The following NRG1 variants were observed in gnomAD, a reference collection of about 807,000 sequenced individuals.
NRG1 encodes the protein pro-neuregulin-1, membrane-bound isoform.
Under a neutral mutation model 63.8 loss-of-function variants are expected in NRG1, and 18 were observed. The ratio of observed to expected loss-of-function variants is 0.28; its 90% CI spans 0.19 to 0.42. NRG1 has a LOEUF of 0.42. NRG1 is among the 10% of genes least tolerant of loss of function. NRG1 has a pLI of 1.00. For missense variants in NRG1, 762 were observed against 814.7 expected (o/e 0.94, Z 0.79); for synonymous variants, 302 against 301.3 (o/e 1.00, Z -0.02).
intron 1 of NRG1, among the ~76,000 whole-genome samples, chr8:32,511,371 A>G (rs34282322): frequency 0.011 from 904 of 85,844 alleles, 15 homozygotes; most frequent in East Asian, 0.084. Context: ...ATATGTGTAT[A>G]TATATATATA....
At chr8:31,861,235 C>T (rs1314089757) in intron 1 of NRG1, among the ~76,000 whole-genome samples, 2 of 152,072 alleles carry the variant, frequency 1.3e-5, no homozygotes, top group Admixed American at 1.3e-4. Flanking sequence ...CAGCCTGGTA[C>T]TTCAATACTG....
intron 1 of NRG1, among the ~76,000 whole-genome samples, chr8:31,793,355 C>T (rs776391075): frequency 2.0e-5 from 3 of 152,126 alleles, no homozygotes; most frequent in Admixed American, 2.0e-4. Context: ...AAGAGAAACA[C>T]CTGATAGAAT....
chr8:32,646,889 G>C (rs1046447479), intron 5 of NRG1: 1 of 984,964 alleles, frequency 1.0e-6, no homozygotes, highest in South Asian at 4.7e-5. Context: ...AGCGGGGAGT[G>C]GGGGTTGGGA....
At chr8:31,643,509 TA>T (rs1170823957) in intron 1 of NRG1, among the ~76,000 whole-genome samples, 49 of 152,230 alleles carry the variant, frequency 3.2e-4, no homozygotes, top group African/African-American at 1.2e-3. Context: ...ATAATGTCGA[TA>T]AAACAAGAAG....
At chr8:31,735,201 T>G (rs919680746) in intron 1 of NRG1, among the ~76,000 whole-genome samples, 3 of 152,130 alleles carry the variant, frequency 2.0e-5, no homozygotes, top group Non-Finnish European at 4.4e-5. Flanking sequence ...ACCCCCATCC[T>G]CCACACACCC....
At chr8:32,381,059 G>A (rs976280828) in intron 1 of NRG1, among the ~76,000 whole-genome samples, 15 of 152,002 alleles carry the variant, frequency 9.9e-5, no homozygotes, top group African/African-American at 3.6e-4. Context: ...TTCTCTTCAT[G>A]GTCACTTTTA....
At chr8:31,676,332 A>G (rs533047973) in intron 1 of NRG1, among the ~76,000 whole-genome samples, 1 of 152,276 alleles carries the variant, frequency 6.6e-6, no homozygotes, top group African/African-American at 2.4e-5. Context: ...CAATATTTCC[A>G]TGCGATCATA....
At chr8:32,187,822 C>A (rs1256226239) in intron 1 of NRG1, among the ~76,000 whole-genome samples, 1 of 152,168 alleles carries the variant, frequency 6.6e-6, no homozygotes, top group Non-Finnish European at 1.5e-5. Flanking sequence ...TGGCTTTTAG[C>A]CAGTTTTATT....
chr8:32,600,835 A>G (rs182125704), intron 2 of NRG1, among the ~76,000 whole-genome samples: 68 of 152,206 alleles, frequency 4.5e-4, no homozygotes, highest in African/African-American at 1.6e-3. Flanking sequence ...TGAAACACCA[A>G]CCTTCCTCCA....
intron 1 of NRG1, among the ~76,000 whole-genome samples, chr8:32,300,310 T>C (rs1484971136): frequency 6.6e-6 from 1 of 152,230 alleles, no homozygotes; most frequent in Non-Finnish European, 1.5e-5. Flanking sequence ...AGGAAATGAT[T>C]CTCATAGAAT....
intron 5 of NRG1, among the ~76,000 whole-genome samples, chr8:32,711,229 T>G (rs1321914953): frequency 3.3e-5 from 5 of 152,164 alleles, no homozygotes; most frequent in South Asian, 2.1e-4. Flanking sequence ...CTCAGTTTTT[T>G]TTTTTTTTTT....
chr8:32,559,849 AAAAAG>A (rs1415806610), intron 1 of NRG1, among the ~76,000 whole-genome samples: 1 of 151,092 alleles, frequency 6.6e-6, no homozygotes, highest in Non-Finnish European at 1.5e-5. Context: ...TACAAAAAAA[AAAAAG>A]AAAGAAAAAG....
chr8:32,317,930 C>A (rs527852106), intron 1 of NRG1, among the ~76,000 whole-genome samples: 1 of 152,164 alleles, frequency 6.6e-6, no homozygotes, highest in Admixed American at 6.5e-5. Context: ...TTCTATATGA[C>A]GCCAGGGCTT....
intron 1 of NRG1, among the ~76,000 whole-genome samples, chr8:32,373,933 C>A (rs994566501): frequency 2.0e-5 from 3 of 151,976 alleles, no homozygotes; most frequent in African/African-American, 4.8e-5. Flanking sequence ...TGCATGTGGA[C>A]AAGAAGACAA....
intron 1 of NRG1, among the ~76,000 whole-genome samples, chr8:31,707,654 T>A (rs1811280593): frequency 6.6e-6 from 1 of 152,284 alleles, no homozygotes; most frequent in Non-Finnish European, 1.5e-5. Flanking sequence ...TTGTTTCCTC[T>A]AATGGTGCTT....
chr8:32,115,744 A>C (rs1832629773), intron 1 of NRG1, among the ~76,000 whole-genome samples: 1 of 152,166 alleles, frequency 6.6e-6, no homozygotes. Flanking sequence ...TACAAGGTGG[A>C]TACTACTATT....
chr8:32,335,262 C>T (rs1803121400), intron 1 of NRG1, among the ~76,000 whole-genome samples: 1 of 152,172 alleles, frequency 6.6e-6, no homozygotes, highest in Non-Finnish European at 1.5e-5. Context: ...AGGCTTTCTA[C>T]ATGGTGCATG....
intron 1 of NRG1, among the ~76,000 whole-genome samples, chr8:32,560,999 A>G (rs1031256999): frequency 2.0e-5 from 3 of 152,228 alleles, no homozygotes; most frequent in Non-Finnish European, 4.4e-5. Flanking sequence ...TAACTACAGT[A>G]GTCCTGAGAA....
At chr8:31,683,988 A>G (rs944933819) in intron 1 of NRG1, among the ~76,000 whole-genome samples, 1 of 152,228 alleles carries the variant, frequency 6.6e-6, no homozygotes, top group Non-Finnish European at 1.5e-5. Flanking sequence ...GCATATAAAT[A>G]TAGAGCATGT....
Sources: allele counts gnomAD v4.1 joint callset (sites outside exome capture counted in the v4.1 genomes callset), GRCh38; gene constraint gnomAD v4.1.1; transcripts MANE v1.5; gene names NCBI Gene and HGNC (gene_info 2026-07-23, HGNC 2026-07-21).